Variants in SMARCA4 observed in about 807,000 individuals in gnomAD.
SMARCA4 encodes SWI/SNF-related matrix-associated actin-dependent regulator of chromatin subfamily A member 4.
A neutral mutation model predicts 193.9 loss-of-function variants in SMARCA4; 31 were observed. The ratio of observed to expected loss-of-function variants is 0.16; its 90% CI spans 0.12 to 0.22. SMARCA4 has a LOEUF of 0.22. Among genes scored for constraint, SMARCA4 ranks in the 10% least tolerant of loss-of-function variants. The pLI is 1.00. For synonymous variants in SMARCA4, 942 were observed against 933.1 expected, an observed-to-expected ratio of 1.01 and a Z score of -0.17; for missense variants, 1,148 against 2,296.0, an observed-to-expected ratio of 0.50 and a Z score of 10.22.
chr19:11,010,360 G>A (rs1038846919), intron 14 of SMARCA4, 21 bp from the exon 15 acceptor site: 5 of 1,613,496 alleles, frequency 3.1e-6, no homozygotes, highest in Admixed American at 1.7e-5. Context: ...TCCTTACCCG[G>A]CACCTCCATC....
intron 1 of SMARCA4, among the ~76,000 whole-genome samples, chr19:10,967,716 C>T (rs2084340979): frequency 2.3e-5 from 3 of 128,814 alleles, no homozygotes; most frequent in African/African-American, 8.7e-5. Context: ...GACAGTTGTA[C>T]TCTTTTCTCC....
chr19:10,994,519 A>T (rs1046470122), intron 8 of SMARCA4, among the ~76,000 whole-genome samples: 1 of 148,890 alleles, frequency 6.7e-6, no homozygotes, highest in Non-Finnish European at 1.5e-5. Context: ...GTTAGTAGAG[A>T]TGGGGTTTTA....
rs1040083186 is a variant in SMARCA4, at chr19:11,019,136, C to T, written c.2505+113C>T. The T allele has an allele frequency of 2.5e-5, 21 of 836,100 alleles. No homozygotes were observed. The highest frequency in any genetic ancestry group is 3.8e-5 in the Admixed American group (2 of 53,296). The allele number at this position is 836,100 out of a possible 1,614,324, so 51.8% of individuals were successfully genotyped here. A position where few individuals can be genotyped will look rare whatever the true frequency, so the allele number is the denominator to read the frequency against. ...AACCTGAGAATGCTGGGTCTCCAGT[C>T]GCATGGAGTCTCCAGGACAGCCTGG... On this transcript the variant is annotated intron_variant, in intron 17 of 34. Transcript: ENST00000344626. The surrounding 1 kb of genome is among the most constrained non-coding windows in gnomAD (Gnocchi z 6.1).
chr19:11,058,686 G>T lies in SMARCA4; in HGVS notation c.4534-102G>T, dbSNP rs1469088098. ...TGGCGCTTCGGCCACATCCTCATAG[G>T]CACGAGGAATCCTAGCCCGTGGGGT... On this transcript the variant is annotated intron_variant, in intron 31 of 34. Transcript: ENST00000344626. The surrounding 1 kb of genome is among the most constrained non-coding windows in gnomAD (Gnocchi z 5.8). The T allele has an allele frequency of 5.1e-6, 5 of 984,342 alleles. No individual in the cohort carries two copies. Among genetic ancestry groups the T allele is most frequent in the Non-Finnish European group, 8.0e-6 (5 of 622,018 alleles). The allele number at this position is 984,342 out of a possible 1,614,324, so 61.0% of individuals were successfully genotyped here. A position where few individuals can be genotyped will look rare whatever the true frequency, so the allele number is the denominator to read the frequency against.
At chr19:11,021,314 A>G (rs559017308) in intron 18 of SMARCA4, 22 of 355,206 alleles carry the variant, frequency 6.2e-5, no homozygotes, top group South Asian at 4.2e-4. Flanking sequence ...CTCATTAGAA[A>G]TGTACCGTCA....
intron 1 of SMARCA4, among the ~76,000 whole-genome samples, chr19:10,968,723 G>C (rs1214971489): frequency 6.6e-6 from 1 of 152,208 alleles, no homozygotes; most frequent in Middle Eastern, 3.2e-3. Context: ...TGGCTGATGT[G>C]ACAGTTGCTG....
At position 11,034,037 on chromosome 19, in the gene SMARCA4, C is replaced by T. The variant is rs1315920439; in HGVS notation, c.3874-86C>T. The T allele has an allele frequency of 6.8e-6, 7 of 1,031,824 alleles. No homozygotes were observed. Among genetic ancestry groups the T allele is most frequent in the Non-Finnish European group, 9.2e-6 (6 of 652,822 alleles). 63.9% of individuals were successfully genotyped at this position (1,031,824 alleles called of 1,614,324 possible). A position where few individuals can be genotyped will look rare whatever the true frequency, so the allele number is the denominator to read the frequency against. ...CCGTGCCGGGACCACCAGCTCATTC[C>T]CACGGACGCCGCCGCTCGCCTCTGA... On this transcript the variant is annotated intron_variant, in intron 27 of 34. Transcript: ENST00000344626. The surrounding 1 kb of genome is among the most constrained non-coding windows in gnomAD (Gnocchi z 7.0).
At chr19:10,968,545 G>A (rs980042098) in intron 1 of SMARCA4, among the ~76,000 whole-genome samples, 1 of 151,538 alleles carries the variant, frequency 6.6e-6, no homozygotes, top group Non-Finnish European at 1.5e-5. Flanking sequence ...ACGGAGACTC[G>A]CTGTGTTACT....
In SMARCA4 at chr19:11,061,968, C is replaced by A; in HGVS notation, c.*152C>A. The A allele has an allele frequency of 1.3e-6, 1 of 748,920 alleles. No individual in the cohort carries two copies. Among genetic ancestry groups the A allele is most frequent in the Non-Finnish European group, 2.3e-6 (1 of 427,754 alleles). The allele number at this position is 748,920 out of a possible 1,614,324, so 46.4% of individuals were successfully genotyped here. A position where few individuals can be genotyped will look rare whatever the true frequency, so the allele number is the denominator to read the frequency against. ...CTTCCATATTTATACAGCAGAGAAGCTGTAGGACTGTTTGTGACTGGCCCT... is the reference window on the plus strand; with the variant it reads ...CTTCCATATTTATACAGCAGAGAAGATGTAGGACTGTTTGTGACTGGCCCT... On this transcript the variant is annotated 3_prime_UTR_variant, in exon 35 of 35. Coordinates refer to ENST00000344626, the MANE Select transcript of SMARCA4 (RefSeq NM_003072.5).
At chr19:11,025,601 A>G (rs2090194623) in intron 22 of SMARCA4, 93 bp downstream of exon 22, 1 of 893,960 alleles carries the variant, frequency 1.1e-6, no homozygotes, top group Non-Finnish European at 1.9e-6. Context: ...TTAAAAACAG[A>G]CTCGAATATT....
rs2089656470 is a variant in SMARCA4 at position 11,019,377 on chromosome 19, G to C, written c.2506-214G>C. 1 of 616,438 alleles carries C rather than the reference G, an allele frequency of 1.6e-6. No homozygotes were observed. Among genetic ancestry groups the C allele is most frequent in the African/African-American group, 1.8e-5 (1 of 54,724 alleles). 38.2% of individuals were successfully genotyped at this position (616,438 alleles called of 1,614,324 possible). On this transcript the variant is annotated intron_variant, in intron 17 of 34. Coordinates refer to ENST00000344626, the MANE Select transcript of SMARCA4 (RefSeq NM_003072.5). This position sits in a 1 kb window ranked among gnomAD's most constrained non-coding sequence, Gnocchi z 6.1. ...TTCCCTCAGGCCCCGGCCGCCGCTGGCCTGCACTGCTTCCTCTTCCCCCTG... is the reference window on the plus strand; with the variant it reads ...TTCCCTCAGGCCCCGGCCGCCGCTGCCCTGCACTGCTTCCTCTTCCCCCTG...
chr19:11,061,204 A>AAAAAAAAATATATAT (rs1555797070), intron 34 of SMARCA4, among the ~76,000 whole-genome samples: 3 of 45,220 alleles, frequency 6.6e-5, no homozygotes, highest in African/African-American at 3.4e-4. Context: ...AAAAAAAAAA[A>AAAAAAAAATATATAT]ATATATATAT....
Position 11,033,207 on chromosome 19 carries a change from C to A in SMARCA4, c.3547-83C>A. The A allele has an allele frequency of 9.4e-7, 1 of 1,062,350 alleles. No homozygotes were observed. The highest frequency in any genetic ancestry group is 1.3e-5 in the South Asian group (1 of 79,588). The allele number at this position is 1,062,350 out of a possible 1,614,324, so 65.8% of individuals were successfully genotyped here. A position where few individuals can be genotyped will look rare whatever the true frequency, so the allele number is the denominator to read the frequency against. Reference sequence around the variant, plus strand: ...GGCCGAGGGTGGCACGCACAGCACACCTCTCCAGCTAGTGTCAGAGGCCAC... The same window carrying A: ...GGCCGAGGGTGGCACGCACAGCACAACTCTCCAGCTAGTGTCAGAGGCCAC... On this transcript the variant is annotated intron_variant, in intron 25 of 34. Coordinates refer to ENST00000344626, the MANE Select transcript of SMARCA4 (RefSeq NM_003072.5). This position sits in a 1 kb window ranked among gnomAD's most constrained non-coding sequence, Gnocchi z 9.8.
chr19:11,019,094 C>T lies in SMARCA4; in HGVS notation c.2505+71C>T. The T allele has an allele frequency of 1.8e-6, 2 of 1,142,488 alleles. No homozygotes were observed. Among genetic ancestry groups the T allele is most frequent in the Non-Finnish European group, 2.7e-6 (2 of 750,046 alleles). The allele number at this position is 1,142,488 out of a possible 1,614,324, so 70.8% of individuals were successfully genotyped here. ...GGCGGTGGTGGGCAGGACGTCCACA[C>T]ATACCTCTGGACAGTGAACCTGAGA... is the stretch of plus-strand genomic sequence containing the variant. On this transcript the variant is annotated intron_variant, in intron 17 of 34. Transcript: ENST00000344626. This position sits in a 1 kb window ranked among gnomAD's most constrained non-coding sequence, Gnocchi z 6.1.
At chr19:10,978,914 A>C (rs938111830) in intron 1 of SMARCA4, among the ~76,000 whole-genome samples, 1 of 152,074 alleles carries the variant, frequency 6.6e-6, no homozygotes, top group African/African-American at 2.4e-5. Flanking sequence ...ACGCCACTGC[A>C]CTCCAGCTTG....
chr19:10,990,784 CCTGGG>C (rs1286102312), intron 7 of SMARCA4, among the ~76,000 whole-genome samples: 1 of 152,216 alleles, frequency 6.6e-6, no homozygotes, highest in Non-Finnish European at 1.5e-5. Flanking sequence ...GTCTCAAACT[CCTGGG>C]CTTGAGCAAT....
intron 30 of SMARCA4, among the ~76,000 whole-genome samples, chr19:11,054,709 A>C (rs549795654): frequency 6.6e-6 from 1 of 152,124 alleles, no homozygotes; most frequent in African/African-American, 2.4e-5. Context: ...GAATCGCTTG[A>C]ACCCTGGAGG....
intron 14 of SMARCA4, among the ~76,000 whole-genome samples, chr19:11,009,008 T>C (rs1280175759): frequency 1.1e-4 from 1 of 8,934 alleles, no homozygotes; most frequent in Non-Finnish European, 4.4e-4. Context: ...TAAAAGTCAC[T>C]TTTTTTTTTT....
intron 16 of SMARCA4, among the ~76,000 whole-genome samples, chr19:11,014,003 C>T (rs1445243230): frequency 2.0e-5 from 3 of 152,148 alleles, no homozygotes; most frequent in Non-Finnish European, 1.5e-5. Flanking sequence ...CCAGAAAGCC[C>T]CAGGGCCGGC....
Sources: gnomAD v4.1 joint callset for allele counts (sites outside exome capture counted in the v4.1 genomes callset) on GRCh38, gnomAD v4.1.1 for gene constraint, Gnocchi (gnomAD v3.1) non-coding constraint, MANE v1.5 for transcripts, NCBI Gene and HGNC (gene_info 2026-07-23, HGNC 2026-07-21) for gene names.